Variants in CASD1 observed in about 807,000 individuals in gnomAD.
CASD1 encodes the protein CAS1 domain sialic acid O acetyltransferase 1.
CASD1 carries 41 observed loss-of-function variants against 100.0 expected under a neutral mutation model. That is an observed-to-expected ratio of 0.41 (90% CI 0.32 to 0.53). The LOEUF (loss-of-function observed/expected upper bound fraction) is 0.53, where lower values mean the gene tolerates loss of function less well. Ranked by LOEUF, CASD1 falls within the 20% of genes least tolerant of loss-of-function variation. CASD1 has a pLI of 0.25. For missense variants in CASD1, 774 were observed against 948.7 expected (o/e 0.82, Z 2.42); for synonymous variants, 321 against 315.6 (o/e 1.02, Z -0.18).
rs768459446 is a variant in CASD1 at position 94,535,535 on chromosome 7, T to C, written c.843+12T>C. ...CGAGCAGAGAAACTGTGAGAAATTTTTACATATGTCAGTAGATGGAGACTA... is the reference window on the plus strand; with the variant it reads ...CGAGCAGAGAAACTGTGAGAAATTTCTACATATGTCAGTAGATGGAGACTA... On this transcript the variant is annotated intron_variant, in intron 8 of 17. Transcript: ENST00000297273. The C allele has an allele frequency of 6.3e-7, 1 of 1,582,526 alleles. No individual in the cohort carries two copies. The highest frequency in any genetic ancestry group is 1.1e-5 in the South Asian group (1 of 90,338).
At chr7:94,577,295 C>G in the CASD1 span, among the ~76,000 whole-genome samples, 558 of 152,272 alleles carry the variant, frequency 3.7e-3, 10 homozygotes, top group African/African-American at 0.013. Flanking sequence ...ATCCTCCCCA[C>G]TTCTGCTCCC....
At chr7:94,585,280 A>C in the CASD1 span, 4 of 488,256 alleles carry the variant, frequency 8.2e-6, no homozygotes, top group South Asian at 1.7e-4. Context: ...AACAAATATA[A>C]AGTCATCAAT....
chr7:94,564,335 G>A, the CASD1 span, among the ~76,000 whole-genome samples: 1 of 152,180 alleles, frequency 6.6e-6, no homozygotes, highest in Non-Finnish European at 1.5e-5. Flanking sequence ...CCAGACTAAT[G>A]AATTAAAGTG....
intron 9 of CASD1, among the ~76,000 whole-genome samples, 190 bp from the exon 10 acceptor site, chr7:94,538,777 T>A (rs897071123): frequency 6.6e-6 from 1 of 152,206 alleles, no homozygotes; most frequent in Non-Finnish European, 1.5e-5. Flanking sequence ...ATATTATATT[T>A]AAAACAGTTT....
chr7:94,599,065 A>G, the CASD1 span: 4 of 846,704 alleles, frequency 4.7e-6, no homozygotes, highest in Admixed American at 7.3e-5. Flanking sequence ...CTTTTAAAAT[A>G]ATAAGACATT....
Sources: gnomAD v4.1 joint callset for allele counts (sites outside exome capture counted in the v4.1 genomes callset) on GRCh38, gnomAD v4.1.1 for gene constraint, MANE v1.5 for transcripts, NCBI Gene and HGNC (gene_info 2026-07-23, HGNC 2026-07-21) for gene names.